GRID2: variants seen among roughly 807,000 people sequenced by gnomAD.
GRID2 encodes the protein glutamate receptor ionotropic, delta-2.
Under a neutral mutation model 114.8 loss-of-function variants are expected in GRID2, and 33 were observed. The ratio of observed to expected loss-of-function variants is 0.29; its 90% CI spans 0.22 to 0.38. GRID2 has a LOEUF of 0.38. GRID2 is among the 10% of genes least tolerant of loss of function. The pLI is 1.00. For synonymous variants in GRID2, 505 were observed against 449.9 expected (o/e 1.12, Z -1.55); for missense variants, 1,184 against 1,257.7 (o/e 0.94, Z 0.89).
At chr4:93,521,984 A>T (rs1730382215) in intron 13 of GRID2, among the ~76,000 whole-genome samples, 1 of 152,216 alleles carries the variant, frequency 6.6e-6, no homozygotes, top group Admixed American at 6.5e-5. Flanking sequence ...AAGAAGACAT[A>T]TACAGTATCT....
intron 2 of GRID2, among the ~76,000 whole-genome samples, chr4:93,027,160 T>G: frequency 6.6e-6 from 1 of 152,076 alleles, no homozygotes; most frequent in East Asian, 1.9e-4. Flanking sequence ...TTTTTGGTAG[T>G]GGTGATTTAT....
intron 14 of GRID2, among the ~76,000 whole-genome samples, chr4:93,755,339 G>A (rs72875956): frequency 0.082 from 12,488 of 152,158 alleles, 1,281 homozygotes; most frequent in African/African-American, 0.24. Context: ...TCTCCCATGC[G>A]TGGGAAAACT....
At chr4:93,039,226 C>T (rs1283380298) in intron 2 of GRID2, among the ~76,000 whole-genome samples, 1 of 151,844 alleles carries the variant, frequency 6.6e-6, no homozygotes, top group Non-Finnish European at 1.5e-5. Context: ...GAACAGAAAA[C>T]CAAACACCGC....
At chr4:93,604,595 A>G (rs1428513987) in intron 13 of GRID2, among the ~76,000 whole-genome samples, 1 of 152,240 alleles carries the variant, frequency 6.6e-6, no homozygotes, top group Non-Finnish European at 1.5e-5. Context: ...TGGGTAAAAT[A>G]CTGTCTAAAA....
At chr4:92,518,366 C>A (rs936000831) in intron 1 of GRID2, among the ~76,000 whole-genome samples, 2 of 151,840 alleles carry the variant, frequency 1.3e-5, no homozygotes, top group Non-Finnish European at 2.9e-5. Flanking sequence ...AGATTTAAAC[C>A]TTACAAGGAA....
rs150310950 is a variant in GRID2 at position 92,420,819 on chromosome 4, G to C, written c.88+116075G>C. ...TATGCCTCAGCATCCTGAGTAGCTG[G>C]GATTACAGGCACGTGCCATCATGCC... On this transcript the variant is annotated intron_variant, in intron 1 of 15. Coordinates refer to ENST00000282020, the MANE Select transcript of GRID2 (RefSeq NM_001510.4). Among the ~76,000 whole-genome samples the C allele has an allele frequency of 8.7e-3, 1,318 of 152,174 alleles. 19 individuals are homozygous for C. The highest frequency in any genetic ancestry group is 0.03 in the African/African-American group (1,263 of 41,516).
chr4:92,576,026 G>T (rs1048104615), intron 1 of GRID2, among the ~76,000 whole-genome samples: 2 of 152,186 alleles, frequency 1.3e-5, no homozygotes, highest in African/African-American at 4.8e-5. Flanking sequence ...CATTGGCTTG[G>T]ACTCTCCAAA....
chr4:93,242,177 G>A (rs1360490280), intron 8 of GRID2, among the ~76,000 whole-genome samples: 4 of 151,894 alleles, frequency 2.6e-5, no homozygotes, highest in Non-Finnish European at 5.9e-5. Context: ...TAGGAGGCAA[G>A]ATTATCTTCT....
At chr4:92,813,987 T>C (rs1740769299) in intron 2 of GRID2, among the ~76,000 whole-genome samples, 1 of 152,144 alleles carries the variant, frequency 6.6e-6, no homozygotes, top group African/African-American at 2.4e-5. Context: ...CAGAGTTCCT[T>C]TGTTAAGTCA....
At chr4:93,155,207 A>G (rs1180234742) in intron 4 of GRID2, among the ~76,000 whole-genome samples, 3 of 151,820 alleles carry the variant, frequency 2.0e-5, no homozygotes, top group Admixed American at 6.6e-5. Flanking sequence ...TTATTCACCA[A>G]GTTTTCTTAA....
At chr4:93,359,013 TG>T (rs1761614527) in intron 8 of GRID2, among the ~76,000 whole-genome samples, 1 of 152,110 alleles carries the variant, frequency 6.6e-6, no homozygotes, top group Non-Finnish European at 1.5e-5. Flanking sequence ...CTATGGTTGA[TG>T]GGATGTTCTG....
intron 1 of GRID2, among the ~76,000 whole-genome samples, chr4:92,499,880 G>A (rs2149121981): frequency 6.6e-6 from 1 of 152,366 alleles, no homozygotes; most frequent in South Asian, 2.1e-4. Context: ...CTCCCAAAGT[G>A]CTGGGATTAC....
chr4:92,909,497 G>C (rs1748208304), intron 2 of GRID2, among the ~76,000 whole-genome samples: 1 of 151,774 alleles, frequency 6.6e-6, no homozygotes. Flanking sequence ...TCTGATTATG[G>C]CTTTAATTTT....
chr4:93,271,458 G>A (rs1030470291), intron 8 of GRID2, among the ~76,000 whole-genome samples: 19 of 152,234 alleles, frequency 1.2e-4, no homozygotes, highest in African/African-American at 4.3e-4. Flanking sequence ...TGAGGGAGCA[G>A]AAATCATAGT....
rs547188480 is a variant in GRID2 at position 92,762,753 on chromosome 4, G to A, written c.244+172467G>A. 3.3e-5 allele frequency among the ~76,000 whole-genome samples: 5 copies of A among 152,286 alleles called. No individual in the cohort carries two copies. The South Asian group carries it at 1.0e-3, about 32-fold the overall frequency. ...CTTTCCAAAGGAATAGACAGGAAGA[G>A]GATATTTAAATTGTGGTGCATTTAG... On this transcript the variant is annotated intron_variant, in intron 2 of 15. Transcript: ENST00000282020.
At chr4:93,255,627 G>A (rs959366360) in intron 8 of GRID2, among the ~76,000 whole-genome samples, 6 of 151,990 alleles carry the variant, frequency 3.9e-5, no homozygotes, top group Non-Finnish European at 8.8e-5. Flanking sequence ...AATTCTCATG[G>A]GAATGGGTTA....
At chr4:93,756,280 A>C (rs531575045) in intron 14 of GRID2, among the ~76,000 whole-genome samples, 2 of 152,284 alleles carry the variant, frequency 1.3e-5, no homozygotes, top group Admixed American at 6.5e-5. Context: ...CTAAAAGGGA[A>C]AGTGGCCCCT....
At chr4:93,330,062 A>G (rs1758266136) in intron 8 of GRID2, among the ~76,000 whole-genome samples, 1 of 152,118 alleles carries the variant, frequency 6.6e-6, no homozygotes, top group Non-Finnish European at 1.5e-5. Context: ...TCATATAAAC[A>G]TTTATTACAG....
At chr4:93,235,612 C>T (rs1017498917) in intron 7 of GRID2, among the ~76,000 whole-genome samples, 5 of 152,108 alleles carry the variant, frequency 3.3e-5, no homozygotes, top group South Asian at 2.1e-4. Flanking sequence ...ATACTGACCT[C>T]TGAATCATCC....
Sources: allele counts gnomAD v4.1 joint callset (sites outside exome capture counted in the v4.1 genomes callset), GRCh38; gene constraint gnomAD v4.1.1; transcripts MANE v1.5; gene names NCBI Gene and HGNC (gene_info 2026-07-23, HGNC 2026-07-21).